GABBR2: variants seen among roughly 807,000 people sequenced by gnomAD.
GABBR2 encodes gamma-aminobutyric acid type B receptor subunit 2, also known as G-protein coupled receptor 51.
GABBR2 carries 23 observed loss-of-function variants against 105.6 expected under a neutral mutation model. The observed-to-expected ratio is 0.22, with a 90% confidence interval of 0.16 to 0.31. The LOEUF (loss-of-function observed/expected upper bound fraction) is 0.31, where lower values mean the gene tolerates loss of function less well. Among genes scored for constraint, GABBR2 ranks in the 10% least tolerant of loss-of-function variants. GABBR2 has a pLI of 1.00. For missense variants in GABBR2, 734 were observed against 1,245.5 expected, an observed-to-expected ratio of 0.59 and a Z score of 6.18; for synonymous variants, 478 against 499.7, an observed-to-expected ratio of 0.96 and a Z score of 0.58.
intron 7 of GABBR2, among the ~76,000 whole-genome samples, chr9:98,431,683 GTTTTT>G (rs948757906): frequency 2.7e-5 from 4 of 149,704 alleles, no homozygotes; most frequent in Non-Finnish European, 5.9e-5. Flanking sequence ...GGTTTTGTCT[GTTTTT>G]TTTTGTTTTG....
At chr9:98,437,928 C>CCATCTACCTAAATGCTCATCCATT (rs1825956660) in intron 7 of GABBR2, among the ~76,000 whole-genome samples, 1 of 151,798 alleles carries the variant, frequency 6.6e-6, no homozygotes, top group Admixed American at 6.6e-5. Context: ...ACCCATCCAT[C>CCATCTACCTAAATGCTCATCCATT]CATCTACCTA....
At chr9:98,546,640 C>A (rs1828407781) in intron 2 of GABBR2, among the ~76,000 whole-genome samples, 1 of 152,090 alleles carries the variant, frequency 6.6e-6, no homozygotes, top group South Asian at 2.1e-4. Context: ...ACTTTTTTAT[C>A]CTCCTTTTAT....
At chr9:98,516,089 G>A (rs1232571570) in intron 3 of GABBR2, 1 of 152,398 alleles carries the variant, frequency 6.6e-6, no homozygotes, top group African/African-American at 2.4e-5. Context: ...TTGAGACTGT[G>A]TTGGGGCCTC....
At chr9:98,495,044 A>G (rs1827250593) in intron 4 of GABBR2, among the ~76,000 whole-genome samples, 2 of 151,852 alleles carry the variant, frequency 1.3e-5, no homozygotes. Flanking sequence ...CAGCCACCCC[A>G]CCCCTGAATC....
At chr9:98,617,438 A>G (rs949245828) in intron 1 of GABBR2, among the ~76,000 whole-genome samples, 1 of 152,212 alleles carries the variant, frequency 6.6e-6, no homozygotes, top group African/African-American at 2.4e-5. Flanking sequence ...ACACTGAATG[A>G]CTGGGAGCCC....
At chr9:98,605,435 C>T (rs1041119060) in intron 1 of GABBR2, among the ~76,000 whole-genome samples, 2 of 152,214 alleles carry the variant, frequency 1.3e-5, no homozygotes, top group Admixed American at 6.5e-5. Flanking sequence ...TCTCAGGCTA[C>T]GGACTCTCAC....
chr9:98,429,046 G>C (rs1233377708), intron 7 of GABBR2, among the ~76,000 whole-genome samples: 1 of 151,996 alleles, frequency 6.6e-6, no homozygotes, highest in Non-Finnish European at 1.5e-5. Flanking sequence ...AAGAGACTGA[G>C]GTTCATTTCG....
chr9:98,606,692 C>T (rs1758554315), intron 1 of GABBR2: 1 of 206,980 alleles, frequency 4.8e-6, no homozygotes, highest in Non-Finnish European at 9.8e-6. Flanking sequence ...GTTGGTCAGG[C>T]TGGTCTCAAA....
chr9:98,384,705 C>T (rs1416341528), intron 11 of GABBR2, among the ~76,000 whole-genome samples: 1 of 152,186 alleles, frequency 6.6e-6, no homozygotes, highest in Non-Finnish European at 1.5e-5. Flanking sequence ...ATTAGTTACA[C>T]TGCTTTGGAC....
intron 3 of GABBR2, among the ~76,000 whole-genome samples, chr9:98,499,536 T>C (rs1827358998): frequency 6.6e-6 from 1 of 152,226 alleles, no homozygotes; most frequent in Non-Finnish European, 1.5e-5. Context: ...TAATGGACTT[T>C]CTGGGGAAAG....
At chr9:98,628,500 G>C (rs149555200) in intron 1 of GABBR2, among the ~76,000 whole-genome samples, 2 of 152,258 alleles carry the variant, frequency 1.3e-5, no homozygotes, top group East Asian at 3.9e-4. Context: ...ACTTGAGCTT[G>C]CTGTGAAATT....
At chr9:98,575,520 G>A (rs1216722574) in intron 2 of GABBR2, among the ~76,000 whole-genome samples, 1 of 152,166 alleles carries the variant, frequency 6.6e-6, no homozygotes, top group Non-Finnish European at 1.5e-5. Context: ...ACAAACCAAT[G>A]AAAGCAGTCC....
At chr9:98,693,022 G>C (rs1057499985) in intron 1 of GABBR2, among the ~76,000 whole-genome samples, 1 of 152,152 alleles carries the variant, frequency 6.6e-6, no homozygotes, top group Non-Finnish European at 1.5e-5. Flanking sequence ...ACTTGGCCCA[G>C]TTCTCCCTCG....
intron 2 of GABBR2, among the ~76,000 whole-genome samples, chr9:98,575,162 C>T (rs1392666515): frequency 6.6e-6 from 1 of 152,126 alleles, no homozygotes. Context: ...TGCACAAGCT[C>T]TGCTAGAATT....
At chr9:98,401,132 C>T (rs1832388558) in intron 8 of GABBR2, among the ~76,000 whole-genome samples, 1 of 152,144 alleles carries the variant, frequency 6.6e-6, no homozygotes. Flanking sequence ...GAGACAGGAA[C>T]ATCACAGCCT....
chr9:98,621,358 T>C (rs1829668416), intron 1 of GABBR2, among the ~76,000 whole-genome samples: 1 of 152,224 alleles, frequency 6.6e-6, no homozygotes, highest in Admixed American at 6.5e-5. Flanking sequence ...CCACATCGTG[T>C]GGTTCTCCAT....
chr9:98,561,570 A>G (rs1240951735), intron 2 of GABBR2, among the ~76,000 whole-genome samples: 1 of 152,218 alleles, frequency 6.6e-6, no homozygotes, highest in East Asian at 1.9e-4. Context: ...ATGCAGGCTT[A>G]AATGTAGAAG....
At chr9:98,429,675 A>G (rs906270971) in intron 7 of GABBR2, among the ~76,000 whole-genome samples, 1 of 152,196 alleles carries the variant, frequency 6.6e-6, no homozygotes, top group African/African-American at 2.4e-5. Context: ...ACAGGACCAA[A>G]GCTTGTTGAG....
intron 4 of GABBR2, among the ~76,000 whole-genome samples, chr9:98,484,906 T>C (rs943104486): frequency 2.0e-5 from 3 of 152,226 alleles, no homozygotes; most frequent in African/African-American, 7.2e-5. Flanking sequence ...CAGTAGCCCC[T>C]GCTTTCAGAC....
Sources: allele counts gnomAD v4.1 joint callset (sites outside exome capture counted in the v4.1 genomes callset), GRCh38; gene constraint gnomAD v4.1.1; transcripts MANE v1.5; gene names NCBI Gene and HGNC (gene_info 2026-07-23, HGNC 2026-07-21).